Variants in NAV1 observed in about 807,000 individuals in gnomAD.
The protein encoded by NAV1 is pore membrane and/or filament interacting like protein 3.
In NAV1, 18 loss-of-function variants were observed where a neutral mutation model predicts 175.2. The observed-to-expected ratio is 0.10, with a 90% CI of 0.07 to 0.15. The LOEUF (loss-of-function observed/expected upper bound fraction) is 0.15. Among genes scored for constraint, NAV1 ranks in the 10% least tolerant of loss-of-function variants. The pLI is 1.00. For missense variants in NAV1, 1,731 were observed against 2,436.6 expected (o/e 0.71, Z 6.10); for synonymous variants, 897 against 978.7 (o/e 0.92, Z 1.56).
chr1:201,776,335 CAAAAAAA>C (rs71138352), intron 3 of NAV1, among the ~76,000 whole-genome samples: 1 of 71,890 alleles, frequency 1.4e-5, no homozygotes, highest in Non-Finnish European at 2.4e-5. Context: ...CCTGACTCTA[CAAAAAAA>C]AAAAAAAAAA....
intron 1 of NAV1, among the ~76,000 whole-genome samples, chr1:201,540,172 AG>A (rs1571810619): frequency 6.6e-6 from 1 of 152,042 alleles, no homozygotes; most frequent in African/African-American, 2.4e-5. Context: ...GGCGGTGTGT[AG>A]GGGTGACGTC....
chr1:201,765,381 C>CTTTTTTTTT (rs59583786), intron 3 of NAV1, among the ~76,000 whole-genome samples: 29 of 98,620 alleles, frequency 2.9e-4, no homozygotes, highest in Non-Finnish European at 4.0e-4. Context: ...AGGAAATATT[C>CTTTTTTTTT]TTTTTTTTTT....
intron 1 of NAV1, among the ~76,000 whole-genome samples, chr1:201,625,668 A>G (rs1293720277): frequency 6.6e-6 from 1 of 152,210 alleles, no homozygotes; most frequent in African/African-American, 2.4e-5. Context: ...GCCTTTTTCC[A>G]ATTAGTAAAA....
chr1:201,748,383 C>T (rs1161747368), intron 3 of NAV1, among the ~76,000 whole-genome samples: 1 of 152,154 alleles, frequency 6.6e-6, no homozygotes, highest in African/African-American at 2.4e-5. Flanking sequence ...CTGTGCTCCT[C>T]CAGCATTAGC....
At chr1:201,602,660 T>C (rs1388118767) in intron 2 of NAV1, among the ~76,000 whole-genome samples, 1 of 124,816 alleles carries the variant, frequency 8.0e-6, no homozygotes, top group Admixed American at 8.7e-5. Context: ...GGTTTTTTTT[T>C]TTTTTGGTTT....
At chr1:201,806,047 C>T (rs1458606517) in intron 17 of NAV1, among the ~76,000 whole-genome samples, 2 of 150,818 alleles carry the variant, frequency 1.3e-5, no homozygotes, top group Non-Finnish European at 2.9e-5. Context: ...TGCAGTGACG[C>T]GATCTTGGCT....
At chr1:201,756,405 A>G (rs1426995502) in intron 3 of NAV1, among the ~76,000 whole-genome samples, 5 of 152,214 alleles carry the variant, frequency 3.3e-5, no homozygotes, top group Non-Finnish European at 7.3e-5. Flanking sequence ...TTCTGGAGCA[A>G]AACCATTTTA....
Position 201,785,295 on chromosome 1 carries a change from T to A in NAV1, c.2805-15T>A, listed in dbSNP as rs768799923. On this transcript the variant is annotated splice_polypyrimidine_tract_variant and intron_variant, in intron 7 of 29. Coordinates refer to ENST00000367296, the Ensembl canonical transcript of NAV1. ...CTCTCTCTCTCTCTTTTTTTTTTTT[T>A]TTTTATCTCCACAGTAATCAGCGGG... The A allele has an allele frequency of 1.1e-5, 17 of 1,600,926 alleles. No individual in the cohort carries two copies. The highest frequency in any genetic ancestry group is 1.4e-5 in the Non-Finnish European group (17 of 1,177,436).
intron 3 of NAV1, among the ~76,000 whole-genome samples, chr1:201,773,482 T>A (rs141586822): frequency 1.6e-4 from 25 of 152,268 alleles, no homozygotes; most frequent in African/African-American, 6.0e-4. Flanking sequence ...GTAGAACTGA[T>A]AAGAAGTCTT....
intron 1 of NAV1, among the ~76,000 whole-genome samples, chr1:201,696,897 C>G (rs139178681): frequency 6.6e-6 from 1 of 152,222 alleles, no homozygotes; most frequent in African/African-American, 2.4e-5. Context: ...GTGTTTCGCA[C>G]CATGCCTGGC....
intron 1 of NAV1, among the ~76,000 whole-genome samples, chr1:201,579,133 C>CAA (rs796850977): frequency 7.1e-6 from 1 of 141,516 alleles, no homozygotes. Flanking sequence ...AACTCAGTCT[C>CAA]AAAAAAAAAA....
intron 17 of NAV1, 35 bp downstream of exon 21, chr1:201,804,532 T>A: frequency 1.3e-6 from 2 of 1,498,266 alleles, no homozygotes; most frequent in Non-Finnish European, 1.8e-6. Flanking sequence ...TTATTTTCTC[T>A]TTCCCTTTGC....
chr1:201,570,860 C>T (rs1459319826), intron 1 of NAV1, among the ~76,000 whole-genome samples: 2 of 152,268 alleles, frequency 1.3e-5, no homozygotes, highest in African/African-American at 2.4e-5. Context: ...GGCCTGACAA[C>T]ATGGCCTATT....
intron 1 of NAV1, among the ~76,000 whole-genome samples, chr1:201,671,863 G>A (rs1317631834): frequency 6.6e-6 from 1 of 152,308 alleles, no homozygotes; most frequent in African/African-American, 2.4e-5. Flanking sequence ...CTGTCTCGAG[G>A]TTAAACCTTA....
Position 201,675,426 on chromosome 1 carries a change from G to C in NAV1, c.757+26001G>C, listed in dbSNP as rs77765774. Among the ~76,000 whole-genome samples the C allele has an allele frequency of 2.4e-3, 362 of 152,250 alleles. 5 individuals carry two copies. The East Asian group carries it at 0.034, about 14-fold the overall frequency. On this transcript the variant is annotated intron_variant, in intron 1 of 29. Coordinates refer to ENST00000367296, the Ensembl canonical transcript of NAV1. ...CACAAGGCCAGGGCTGGCCAGCCTC[G>C]TGTAACCTCAGCTTCCTCTTCACCA...
Position 201,818,185 on chromosome 1 carries a change from C to T in NAV1, c.5538+900C>T, listed in dbSNP as rs763630637. 2.0e-5 allele frequency among the ~76,000 whole-genome samples: 3 copies of T among 152,080 alleles called. No individual in the cohort carries two copies. In the East Asian group the frequency reaches 5.8e-4, roughly 29 times the overall value. On this transcript the variant is annotated intron_variant, in intron 29 of 29. Transcript: ENST00000367296. ...TTGAGGCTACAGTGAGCCGTGATTA[C>T]ACCACTGCACTCCAGCCCAGGTGAC...
chr1:201,595,605 G>A (rs2102221568), intron 2 of NAV1, among the ~76,000 whole-genome samples: 1 of 152,358 alleles, frequency 6.6e-6, no homozygotes, highest in South Asian at 2.1e-4. Flanking sequence ...GGCATAGTGG[G>A]GCCAGGGTAG....
At chr1:201,696,485 G>C (rs1447490213) in intron 1 of NAV1, among the ~76,000 whole-genome samples, 1 of 152,208 alleles carries the variant, frequency 6.6e-6, no homozygotes. Flanking sequence ...TTGGACAGGA[G>C]CAGTGACTGC....
intron 1 of NAV1, among the ~76,000 whole-genome samples, chr1:201,572,428 G>T (rs1666572872): frequency 1.3e-5 from 2 of 149,664 alleles, no homozygotes; most frequent in Admixed American, 1.3e-4. Context: ...GAGTGCAGTG[G>T]TGCAATCTTG....
Sources: gnomAD v4.1 joint callset for allele counts (sites outside exome capture counted in the v4.1 genomes callset) on GRCh38, gnomAD v4.1.1 for gene constraint, MANE v1.5 for transcripts, NCBI Gene and HGNC (gene_info 2026-07-23, HGNC 2026-07-21) for gene names.